The following WASHC3 variants were observed in gnomAD, a reference collection of about 807,000 sequenced individuals.
WASHC3 encodes the protein WASH complex subunit CCDC53.
Under a neutral mutation model 26.1 loss-of-function variants are expected in WASHC3, and 24 were observed. The ratio of observed to expected loss-of-function variants is 0.92; its 90% CI spans 0.66 to 1.29. The LOEUF (loss-of-function observed/expected upper bound fraction) is 1.29, where lower values mean the gene tolerates loss of function less well. WASHC3 is among the 50% of genes most tolerant of loss of function. The pLI is 0.00. For missense variants in WASHC3, 214 were observed against 229.6 expected (o/e 0.93, Z 0.44); for synonymous variants, 77 against 75.7 (o/e 1.02, Z -0.09).
At chr12:102,062,068 CG>C, upstream of WASHC3, 1 of 930,238 alleles carries the variant, frequency 1.1e-6, no homozygotes, top group Non-Finnish European at 1.6e-6. Flanking sequence ...TGCCCGCCTC[CG>C]GGGCCCTTCC....
intron 6 of WASHC3, 114 bp from the exon 7 acceptor site, chr12:102,013,306 G>A (rs1282206453): frequency 1.3e-5 from 8 of 622,946 alleles, no homozygotes; most frequent in Non-Finnish European, 2.0e-5. Flanking sequence ...TGCCAAGTCC[G>A]TGTCCTCAGT....
chr12:102,038,856 G>A (rs914238995), intron 5 of WASHC3, among the ~76,000 whole-genome samples: 4 of 152,024 alleles, frequency 2.6e-5, no homozygotes, highest in Non-Finnish European at 5.9e-5. Flanking sequence ...AAATTACTAG[G>A]TGATAAACTA....
At chr12:102,019,345 T>C (rs1486325780) in intron 6 of WASHC3, 2 of 365,060 alleles carry the variant, frequency 5.5e-6, no homozygotes, top group Non-Finnish European at 5.3e-6. Flanking sequence ...CTCTGCATAT[T>C]ATGATCATAA....
At chr12:102,042,269 TG>T (rs1877969330) in intron 4 of WASHC3, among the ~76,000 whole-genome samples, 1 of 152,182 alleles carries the variant, frequency 6.6e-6, no homozygotes, top group African/African-American at 2.4e-5. Context: ...TAATGAAATT[TG>T]CTATATTAAA....
chr12:102,057,629 A>G (rs1878642466), intron 2 of WASHC3, among the ~76,000 whole-genome samples: 1 of 152,024 alleles, frequency 6.6e-6, no homozygotes, highest in Non-Finnish European at 1.5e-5. Context: ...CTAAAAGTAA[A>G]CTATCTGAAA....
chr12:102,059,769 C>T (rs1878731029), intron 2 of WASHC3: 1 of 152,146 alleles, frequency 6.6e-6, no homozygotes, highest in Non-Finnish European at 1.5e-5. Context: ...CAGTCCCTTT[C>T]CAGATACTTC....
rs118056466 is a variant in WASHC3, at chr12:102,048,085, C to T, written c.151-1966G>A. Reference sequence around the variant, plus strand: ...CAGAATTTTTGTTATCCAAAGCTAACAAATGATCAATTCGTTTCTCACTAA... The same window carrying T: ...CAGAATTTTTGTTATCCAAAGCTAATAAATGATCAATTCGTTTCTCACTAA... On this transcript the variant is annotated intron_variant, in intron 2 of 6. Coordinates refer to ENST00000240079, the MANE Select transcript of WASHC3 (RefSeq NM_016053.4). Among the ~76,000 whole-genome samples, 287 of 152,258 alleles carry T rather than the reference C, an allele frequency of 1.9e-3. 1 individual carries two copies. The highest frequency in any genetic ancestry group is 2.3e-3 in the Non-Finnish European group (157 of 68,008).
At chr12:102,050,992 TG>T (rs1878373065) in intron 2 of WASHC3, among the ~76,000 whole-genome samples, 1 of 152,268 alleles carries the variant, frequency 6.6e-6, no homozygotes, top group Non-Finnish European at 1.5e-5. Context: ...TGCCAATCAC[TG>T]GAAGAGTTAC....
intron 2 of WASHC3, among the ~76,000 whole-genome samples, chr12:102,056,640 C>CAATT (rs1268448809): frequency 5.3e-5 from 8 of 152,066 alleles, no homozygotes; most frequent in Non-Finnish European, 1.2e-4. Context: ...TTGCTATGAC[C>CAATT]AATTATATGC....
chr12:102,050,628 G>A, intron 2 of WASHC3: 2 of 449,496 alleles, frequency 4.4e-6, no homozygotes, highest in Non-Finnish European at 8.9e-6. Context: ...CGGTGATACA[G>A]CAAGACCCCG....
In WASHC3 at chr12:102,044,129, A is replaced by G; in HGVS notation, c.300T>C (p.Pro100=). Residue 100 remains proline, a synonymous_variant, in exon 4 of 7, where the codon CCT becomes CCC. Transcript: ENST00000240079. ...NVTSVTNGAH[P]EATSEQPQQN... is the part of the protein sequence containing the mutation. The stretch of plus-strand genomic sequence containing the variant: ...CCTGTGGTTGCTCTGAAGTGGCTTC[A>G]GGATGTGCTCCATTTGTGACACTGG... The G allele has an allele frequency of 6.2e-7, 1 of 1,605,880 alleles. No homozygotes were observed. The highest frequency in any genetic ancestry group is 1.7e-4 in the Middle Eastern group (1 of 6,048).
intron 6 of WASHC3, among the ~76,000 whole-genome samples, chr12:102,017,380 G>A (rs931192757): frequency 6.6e-6 from 1 of 151,942 alleles, no homozygotes; most frequent in Non-Finnish European, 1.5e-5. Flanking sequence ...AACTGTTTGT[G>A]TGAAAAGAAA....
At chr12:102,053,003 C>T (rs1017581794) in intron 2 of WASHC3, among the ~76,000 whole-genome samples, 1 of 152,080 alleles carries the variant, frequency 6.6e-6, no homozygotes, top group African/African-American at 2.4e-5. Flanking sequence ...TATGTTCCAG[C>T]AGACCCAGAG....
At chr12:102,041,179 GTTAA>G (rs1199774682) in intron 4 of WASHC3, among the ~76,000 whole-genome samples, 2 of 151,172 alleles carry the variant, frequency 1.3e-5, no homozygotes, top group African/African-American at 2.4e-5. Flanking sequence ...CCAAAACACT[GTTAA>G]TTAAATAAAA....
chr12:102,033,907 A>G (rs1380691626), intron 5 of WASHC3, among the ~76,000 whole-genome samples: 1 of 152,132 alleles, frequency 6.6e-6, no homozygotes, highest in African/African-American at 2.4e-5. Flanking sequence ...GAACTCATTT[A>G]AAGAATTATG....
At chr12:102,047,458 T>G (rs942210423) in intron 2 of WASHC3, among the ~76,000 whole-genome samples, 1 of 152,218 alleles carries the variant, frequency 6.6e-6, no homozygotes, top group African/African-American at 2.4e-5. Flanking sequence ...CTAGTTTTCA[T>G]GGTATCAAAG....
intron 5 of WASHC3, among the ~76,000 whole-genome samples, chr12:102,037,506 C>T (rs1242855122): frequency 6.6e-6 from 1 of 152,078 alleles, no homozygotes; most frequent in Admixed American, 6.5e-5. Context: ...AGGGAGCAAA[C>T]CATGAAGATA....
chr12:102,037,367 TAAG>T (rs1191360567), intron 5 of WASHC3, among the ~76,000 whole-genome samples: 2 of 152,066 alleles, frequency 1.3e-5, no homozygotes, highest in Admixed American at 6.6e-5. Flanking sequence ...TGGAAGTTGA[TAAG>T]AAGAAAAATA....
chr12:102,028,158 C>A (rs889373172), intron 5 of WASHC3, among the ~76,000 whole-genome samples: 14 of 152,100 alleles, frequency 9.2e-5, no homozygotes, highest in Non-Finnish European at 1.8e-4. Flanking sequence ...GAAATTAAAA[C>A]TAACACCACT....
Sources: gnomAD v4.1 joint callset for allele counts (sites outside exome capture counted in the v4.1 genomes callset) on GRCh38, gnomAD v4.1.1 for gene constraint, MANE v1.5 for transcripts, NCBI Gene and HGNC (gene_info 2026-07-23, HGNC 2026-07-21) for gene names.